Variants in FOXK2 observed in about 807,000 individuals in gnomAD.
The protein encoded by FOXK2 is forkhead box protein K2.
Under a neutral mutation model 53.3 loss-of-function variants are expected in FOXK2, and 24 were observed. The observed-to-expected ratio is 0.45, with a 90% CI of 0.33 to 0.63. The LOEUF (loss-of-function observed/expected upper bound fraction) is 0.63, where lower values mean the gene tolerates loss of function less well. Ranked by LOEUF, FOXK2 falls within the 30% of genes least tolerant of loss-of-function variation. The pLI, the probability that FOXK2 is intolerant of heterozygous loss-of-function variation, is 0.03. For missense variants in FOXK2, 952 were observed against 910.5 expected (o/e 1.05, Z -0.59); for synonymous variants, 505 against 407.1 (o/e 1.24, Z -2.89).
At chr17:82,559,336 C>T (rs2044768106) in intron 1 of FOXK2, 1 of 455,792 alleles carries the variant, frequency 2.2e-6, no homozygotes, top group South Asian at 1.5e-5. Flanking sequence ...ACCGTGCGGA[C>T]TCCACAGCTG....
intron 1 of FOXK2, among the ~76,000 whole-genome samples, chr17:82,562,954 C>T (rs1279234838): frequency 6.6e-6 from 1 of 151,948 alleles, no homozygotes; most frequent in Non-Finnish European, 1.5e-5. Flanking sequence ...CACAGGCATG[C>T]ACCACCACGC....
rs72318042 is a variant in FOXK2 at position 82,586,498 on chromosome 17, GC to G, written c.1576+300del. Among the ~76,000 whole-genome samples, 225 of 45,546 alleles carry G rather than the reference GC, an allele frequency of 4.9e-3. 56 individuals carry two copies. Among genetic ancestry groups the G allele is most frequent in the Middle Eastern group, 0.024 (2 of 82 alleles). 29.9% of individuals were successfully genotyped at this position (45,546 alleles called of 152,430 possible). Reference sequence around the variant, plus strand: ...GAGACCACAGGGAGGTCAAAGGTGGGCCGGGGGGGAAAGGAGGAGAGGGGAG... The same window carrying G: ...GAGACCACAGGGAGGTCAAAGGTGGGCGGGGGGGAAAGGAGGAGAGGGGAG... On this transcript the variant is annotated intron_variant, in intron 7 of 8. Coordinates refer to ENST00000335255, the MANE Select transcript of FOXK2 (RefSeq NM_004514.4).
intron 1 of FOXK2, among the ~76,000 whole-genome samples, chr17:82,538,913 A>T (rs1373109687): frequency 6.6e-6 from 1 of 152,234 alleles, no homozygotes; most frequent in Admixed American, 6.5e-5. Flanking sequence ...AAGAGTATTG[A>T]TGAAGAGTCC....
intron 7 of FOXK2, 24 bp from the exon 8 acceptor site, chr17:82,587,039 T>C (rs775401211): frequency 1.2e-6 from 2 of 1,605,676 alleles, no homozygotes; most frequent in South Asian, 1.1e-5. Context: ...AATATTAATG[T>C]CGTTTCTTTT....
At chr17:82,561,342 G>A (rs982095760) in intron 1 of FOXK2, among the ~76,000 whole-genome samples, 1 of 152,150 alleles carries the variant, frequency 6.6e-6, no homozygotes, top group Non-Finnish European at 1.5e-5. Flanking sequence ...GGAGCTGGAA[G>A]TGGGGATTTT....
At chr17:82,529,429 G>A (rs1022800547) in intron 1 of FOXK2, among the ~76,000 whole-genome samples, 9 of 145,724 alleles carry the variant, frequency 6.2e-5, no homozygotes, top group Admixed American at 7.0e-5. Context: ...CTGCTCTGTC[G>A]TCCAGGCTGG....
chr17:82,557,446 C>T (rs546089189), intron 1 of FOXK2, among the ~76,000 whole-genome samples: 18 of 151,932 alleles, frequency 1.2e-4, no homozygotes, highest in African/African-American at 4.1e-4. Context: ...CAGGTTCAAG[C>T]GATTCTCGTG....
At chr17:82,554,668 C>T (rs935849044) in intron 1 of FOXK2, among the ~76,000 whole-genome samples, 8 of 152,048 alleles carry the variant, frequency 5.3e-5, no homozygotes, top group African/African-American at 1.9e-4. Context: ...TTTGGTCAGA[C>T]GTCTCAGGCT....
rs778985867 is a variant in FOXK2, at chr17:82,520,212, C to T, written c.324C>T (p.Gly108=). 2 of 1,326,238 alleles carry T rather than the reference C, an allele frequency of 1.5e-6. No individual in the cohort carries two copies. Among genetic ancestry groups the T allele is most frequent in the Non-Finnish European group, 1.9e-6 (2 of 1,039,480 alleles). 82.2% of individuals were successfully genotyped at this position (1,326,238 alleles called of 1,614,324 possible). A position where few individuals can be genotyped will look rare whatever the true frequency, so the allele number is the denominator to read the frequency against. ...CCGCGCAGCCCAGGCCCGACGCCGG[C>T]GGCGACTTCTACCTGCGCTGCTTGG... ...LPPAQPRPDA[G]GDFYLRCLGK... Residue 108 remains glycine, a synonymous_variant, in exon 1 of 9, where the codon GGC becomes GGT. Coordinates refer to ENST00000335255, the MANE Select transcript of FOXK2 (RefSeq NM_004514.4).
intron 1 of FOXK2, among the ~76,000 whole-genome samples, chr17:82,524,980 C>CGT (rs1555634662): frequency 7.2e-6 from 1 of 138,248 alleles, no homozygotes; most frequent in African/African-American, 2.7e-5. Context: ...GACAAGGTGG[C>CGT]TTTTTTTTTT....
At chr17:82,529,043 C>T (rs1287299923) in intron 1 of FOXK2, among the ~76,000 whole-genome samples, 4 of 152,078 alleles carry the variant, frequency 2.6e-5, no homozygotes, top group African/African-American at 4.8e-5. Context: ...ACGCACAGGA[C>T]GCAGGAGGGG....
chr17:82,583,896 T>C (rs2045098699), intron 5 of FOXK2, 117 bp from the exon 6 acceptor site: 1 of 1,039,716 alleles, frequency 9.6e-7, no homozygotes, highest in South Asian at 1.7e-5. Flanking sequence ...TACACAACAG[T>C]ACTTGGTTGT....
intron 1 of FOXK2, among the ~76,000 whole-genome samples, chr17:82,520,807 A>T (rs147839323): frequency 6.6e-6 from 1 of 152,228 alleles, no homozygotes; most frequent in Non-Finnish European, 1.5e-5. Flanking sequence ...TGTTTTAAGC[A>T]GGAAGGACTC....
chr17:82,563,520 C>T lies in FOXK2; in HGVS notation c.586C>T (p.Pro196Ser). 6.2e-7 allele frequency: 1 copy of T among 1,613,956 alleles called. No homozygotes were observed. The highest frequency in any genetic ancestry group is 8.5e-7 in the Non-Finnish European group (1 of 1,179,940). ...AGACACCATGGCCCACCTCATCAGCCCTCTGCCCTCCCCCACGGGAACCAT... is the reference window on the plus strand; with the variant it reads ...AGACACCATGGCCCACCTCATCAGCTCTCTGCCCTCCCCCACGGGAACCAT... ...IPDTMAHLIS[P>S]LPSPTGTISA... The change falls in exon 2 of 9, where the codon CCT (proline) becomes TCT (serine). Residue 196 changes from proline to serine, a missense_variant. This residue lies in a region of FOXK2 where 76 missense variants were observed against 128.2 expected (regional missense o/e 0.59). Transcript: ENST00000335255.
At chr17:82,587,473 G>T in intron 8 of FOXK2, 1 of 597,838 alleles carries the variant, frequency 1.7e-6, no homozygotes, top group South Asian at 1.9e-5. Context: ...GGGAGGACCT[G>T]CCTGAAAAGA....
intron 4 of FOXK2, among the ~76,000 whole-genome samples, chr17:82,582,119 C>T (rs889523400): frequency 6.6e-6 from 1 of 152,032 alleles, no homozygotes; most frequent in East Asian, 1.9e-4. Flanking sequence ...TAATTCTGTG[C>T]GAAAAAGTAT....
At chr17:82,558,050 G>GC (rs766446099) in intron 1 of FOXK2, among the ~76,000 whole-genome samples, 13 of 152,284 alleles carry the variant, frequency 8.5e-5, no homozygotes, top group Admixed American at 1.3e-4. Context: ...GGAAACATTG[G>GC]GGTTGGGTAC....
At chr17:82,536,041 AT>A (rs112946952) in intron 1 of FOXK2, among the ~76,000 whole-genome samples, 25,607 of 150,724 alleles carry the variant, frequency 0.17, 2,713 homozygotes, top group East Asian at 0.39. Flanking sequence ...CGTGCCTGGC[AT>A]TTTTTTTGTA....
intron 1 of FOXK2, among the ~76,000 whole-genome samples, chr17:82,547,076 CAA>C (rs57383328): frequency 1.0e-3 from 112 of 112,114 alleles, no homozygotes; most frequent in Non-Finnish European, 1.1e-3. Flanking sequence ...AAAACTCCAT[CAA>C]AAAAAAAAAA....
Sources: gnomAD v4.1 joint callset for allele counts (sites outside exome capture counted in the v4.1 genomes callset) on GRCh38, gnomAD v4.1.1 for gene constraint, gnomAD v4.1.1 regional missense constraint, MANE v1.5 for transcripts, NCBI Gene and HGNC (gene_info 2026-07-23, HGNC 2026-07-21) for gene names.